Variants in SCAF4 observed in about 807,000 individuals in gnomAD.
SCAF4 encodes SR-related CTD associated factor 4.
SCAF4 carries 25 observed loss-of-function variants against 129.8 expected under a neutral mutation model. The observed-to-expected ratio is 0.19, with a 90% confidence interval of 0.14 to 0.27. The LOEUF is 0.27. Ranked by LOEUF, SCAF4 falls within the 10% of genes least tolerant of loss-of-function variation. The probability of loss-of-function intolerance (pLI) is 1.00; values close to 1 mark genes in which losing one functional copy is unlikely to be tolerated. For missense variants in SCAF4, 1,246 were observed against 1,457.1 expected (o/e 0.86, Z 2.36); for synonymous variants, 551 against 497.7 (o/e 1.11, Z -1.43).
chr21:31,717,048 C>T (rs2050936343), intron 1 of SCAF4, among the ~76,000 whole-genome samples: 1 of 152,084 alleles, frequency 6.6e-6, no homozygotes, highest in Non-Finnish European at 1.5e-5. Context: ...AATCAAAGTA[C>T]AAATTAATAC....
At chr21:31,672,847 T>C (rs544017378) in intron 19 of SCAF4, among the ~76,000 whole-genome samples, 2 of 152,384 alleles carry the variant, frequency 1.3e-5, no homozygotes, top group Admixed American at 1.3e-4. Flanking sequence ...GGAAGATCTC[T>C]TTGACTCCAT....
rs1489562065 is a variant in SCAF4 at position 31,671,864 on chromosome 21, T to C, written c.2979A>G (p.Ser993=). Residue 993 remains serine, a synonymous_variant, in exon 20 of 20, where the codon TCA becomes TCG. Transcript: ENST00000286835. ...TTCCAAACCTTTCTTGGTCTCTACC[T>C]GAATTGAACTGCTGCCTGTTATCAT... ...FRNDNRQQFN[S]GRDQERFGRR... is the part of the protein sequence containing the mutation. The C allele has an allele frequency of 6.2e-7, 1 of 1,614,230 alleles. No individual in the cohort carries two copies.
At chr21:31,703,947 G>C (rs769974933) in intron 3 of SCAF4, 21 bp from the exon 4 acceptor site, 45 of 1,469,632 alleles carry the variant, frequency 3.1e-5, no homozygotes, top group Non-Finnish European at 3.8e-5. Context: ...AAAGATGTAA[G>C]ATCAGTACAG....
intron 7 of SCAF4, among the ~76,000 whole-genome samples, chr21:31,697,202 A>G (rs1164693208): frequency 2.0e-5 from 3 of 152,148 alleles, no homozygotes; most frequent in African/African-American, 7.2e-5. Context: ...TTCCTCAAGA[A>G]TATACTAATA....
intron 1 of SCAF4, among the ~76,000 whole-genome samples, chr21:31,721,048 T>C (rs1172365766): frequency 6.6e-6 from 1 of 152,202 alleles, no homozygotes; most frequent in Non-Finnish European, 1.5e-5. Flanking sequence ...TTCAATGGTT[T>C]TTGATATATT....
Position 31,671,144 on chromosome 21 carries a change from A to G in SCAF4, c.*255T>C. 2.7e-6 allele frequency: 1 copy of G among 364,356 alleles called. No homozygotes were observed. Among genetic ancestry groups the G allele is most frequent in the Middle Eastern group, 7.4e-4 (1 of 1,346 alleles). The allele number at this position is 364,356 out of a possible 1,614,324, so 22.6% of individuals were successfully genotyped here. ...AAAAAAATAGAGAGCACTTCTAATT[A>G]CGATTTGTAAACTTTTTAAAGTCAA... is the stretch of plus-strand genomic sequence containing the variant. On this transcript the variant is annotated 3_prime_UTR_variant, in exon 20 of 20. Coordinates refer to ENST00000286835, the MANE Select transcript of SCAF4 (RefSeq NM_020706.2).
In SCAF4 at chr21:31,672,076, C is replaced by T. The variant is rs775756462; in HGVS notation, c.2767G>A (p.Gly923Arg). Reference protein sequence around the residue: ...GPFVRPGGMPGLGGPGPGPGG... With the variant: ...GPFVRPGGMPRLGGPGPGPGG... ...GGGCCTGGCCCTGGGCCCCCGAGCC[C>T]TGGCATTCCACCAGGCCTAACAAAG... The change falls in exon 20 of 20, where the codon GGG becomes AGG. Residue 923 changes from glycine to arginine, a missense_variant. Physicochemically the swap from Gly to Arg is moderately radical, Grantham distance 125 (BLOSUM62 -2). This residue lies in a region of SCAF4 where 339 missense variants were observed against 325.0 expected (regional missense o/e 1.04). Transcript: ENST00000286835. 1 of 1,613,472 alleles carries T rather than the reference C, an allele frequency of 6.2e-7. No individual in the cohort carries two copies. Among genetic ancestry groups the T allele is most frequent in the Admixed American group, 1.7e-5 (1 of 59,994 alleles).
intron 3 of SCAF4, among the ~76,000 whole-genome samples, chr21:31,704,754 T>C (rs1184854513): frequency 1.3e-5 from 2 of 152,178 alleles, no homozygotes; most frequent in Admixed American, 6.5e-5. Flanking sequence ...ACAGTGCCTA[T>C]AGGTAATTTT....
chr21:31,692,122 A>C (rs1347263922), intron 13 of SCAF4, 192 bp from the exon 14 acceptor site: 5 of 594,380 alleles, frequency 8.4e-6, no homozygotes, highest in Non-Finnish European at 1.5e-5. Flanking sequence ...ATAAAGACTT[A>C]CCTAGAAATG....
At chr21:31,684,423 C>A (rs56270039) in intron 19 of SCAF4, 7,861 of 152,308 alleles carry the variant, frequency 0.052, 230 homozygotes, top group East Asian at 0.073. Context: ...TAAGTCACAT[C>A]GCCCTTGATC....
At chr21:31,722,323 A>G (rs1387279205) in intron 1 of SCAF4, among the ~76,000 whole-genome samples, 2 of 152,186 alleles carry the variant, frequency 1.3e-5, no homozygotes, top group African/African-American at 4.8e-5. Flanking sequence ...CAGGCTCAGC[A>G]TGACTCCAAT....
chr21:31,710,024 G>C (rs1034971306), intron 1 of SCAF4, among the ~76,000 whole-genome samples: 7 of 151,864 alleles, frequency 4.6e-5, no homozygotes, highest in Non-Finnish European at 5.9e-5. Flanking sequence ...CTATGAAAAG[G>C]AATATAGGGG....
chr21:31,681,463 A>T (rs145979632), intron 19 of SCAF4, among the ~76,000 whole-genome samples: 3 of 152,320 alleles, frequency 2.0e-5, no homozygotes, highest in Non-Finnish European at 4.4e-5. Context: ...TACATATTAG[A>T]GATACATGTT....
chr21:31,729,230 C>T (rs764648451), intron 1 of SCAF4, among the ~76,000 whole-genome samples: 1 of 152,204 alleles, frequency 6.6e-6, no homozygotes, highest in Admixed American at 6.5e-5. Context: ...CCTTACTTTC[C>T]AGTAGCCTTC....
At chr21:31,700,072 C>T (rs2123572857) in intron 7 of SCAF4, among the ~76,000 whole-genome samples, 1 of 152,042 alleles carries the variant, frequency 6.6e-6, no homozygotes, top group Middle Eastern at 3.4e-3. Context: ...GCAACCCACC[C>T]ACCTCAGCAT....
chr21:31,705,907 T>TA (rs1315338651), intron 2 of SCAF4, among the ~76,000 whole-genome samples: 1 of 152,212 alleles, frequency 6.6e-6, no homozygotes, highest in East Asian at 1.9e-4. Context: ...AATGAAAATT[T>TA]AAAAAACTGC....
At chr21:31,723,609 G>GTTGTGTGTGT (rs112184778) in intron 1 of SCAF4, among the ~76,000 whole-genome samples, 67 of 146,124 alleles carry the variant, frequency 4.6e-4, no homozygotes, top group African/African-American at 1.0e-3. Flanking sequence ...TGATTTATAT[G>GTTGTGTGTGT]ATGTGTGTGT....
rs774080596 is a variant in SCAF4 at position 31,694,822 on chromosome 21, C to G, written c.1227G>C (p.Pro409=). Residue 409 remains proline (P), a synonymous_variant, in exon 10 of 20, where the codon CCG becomes CCC. Coordinates refer to ENST00000286835, the MANE Select transcript of SCAF4 (RefSeq NM_020706.2). The stretch of plus-strand genomic sequence containing the variant: ...GAGAATAAAGTTTTACCTGCTGATG[C>G]GGCTTCTGTGTAAGTGGTTCATTTT... ...QAQNEPLTQK[P]HQQEMEVEQP... The G allele has an allele frequency of 3.1e-6, 5 of 1,613,972 alleles. No homozygotes were observed. In the Admixed American group the frequency reaches 6.7e-5, roughly 22 times the overall value.
At chr21:31,694,777 A>G (rs780899075) in intron 10 of SCAF4, 36 bp downstream of exon 10, 1 of 1,601,256 alleles carries the variant, frequency 6.2e-7, no homozygotes, top group Non-Finnish European at 8.6e-7. Flanking sequence ...TCAAGGCAAC[A>G]AAAAAAGATA....
Sources: allele counts gnomAD v4.1 joint callset (sites outside exome capture counted in the v4.1 genomes callset), GRCh38; gene constraint gnomAD v4.1.1; regional missense constraint gnomAD v4.1.1; transcripts MANE v1.5; gene names NCBI Gene and HGNC (gene_info 2026-07-23, HGNC 2026-07-21).